SHANK2: variants seen among roughly 807,000 people sequenced by gnomAD.
The protein encoded by SHANK2 is SH3 and multiple ankyrin repeat domains 2, also known as SH3 and multiple ankyrin repeat domains protein 2.
Under a neutral mutation model 133.7 loss-of-function variants are expected in SHANK2, and 43 were observed. The ratio of observed to expected loss-of-function variants is 0.32; its 90% CI spans 0.25 to 0.41. The LOEUF is 0.41. Among genes scored for constraint, SHANK2 ranks in the 10% least tolerant of loss-of-function variants. The probability of loss-of-function intolerance (pLI) is 1.00; values close to 1 mark genes in which losing one functional copy is unlikely to be tolerated. For synonymous variants in SHANK2, 1,017 were observed against 952.8 expected (o/e 1.07, Z -1.24); for missense variants, 1,994 against 2,235.8 (o/e 0.89, Z 2.18).
At chr11:70,537,026 G>A (rs1554974284) in intron 17 of SHANK2, among the ~76,000 whole-genome samples, 1 of 152,192 alleles carries the variant, frequency 6.6e-6, no homozygotes, top group South Asian at 2.1e-4. Flanking sequence ...GCTAGAAGAG[G>A]GTTCCCCAGA....
chr11:70,563,124 C>T (rs2059928134), intron 17 of SHANK2, among the ~76,000 whole-genome samples: 1 of 152,224 alleles, frequency 6.6e-6, no homozygotes, highest in Admixed American at 6.5e-5. Context: ...CCACCCTGGC[C>T]TCCCAAAGTG....
rs61885468 is a variant in SHANK2 at position 70,804,763 on chromosome 11, C to T, written c.1663+2239G>A. 1.5e-4 allele frequency among the ~76,000 whole-genome samples: 23 copies of T among 152,180 alleles called. No homozygotes were observed. Among genetic ancestry groups the T allele is most frequent in the Non-Finnish European group, 3.1e-4 (21 of 68,022 alleles). On this transcript the variant is annotated intron_variant, in intron 13 of 25. Transcript: ENST00000601538. This position sits in a 1 kb window ranked among gnomAD's most constrained non-coding sequence, Gnocchi z 4.1. ...GGAATTAAGGTGTGAGATGTGGATTCGCCTGCCATGTCCCAGGACCCCTGC... is the reference window on the plus strand; with the variant it reads ...GGAATTAAGGTGTGAGATGTGGATTTGCCTGCCATGTCCCAGGACCCCTGC...
At chr11:70,778,321 A>G (rs192519385) in intron 14 of SHANK2, among the ~76,000 whole-genome samples, 1 of 152,326 alleles carries the variant, frequency 6.6e-6, no homozygotes, top group East Asian at 1.9e-4. Flanking sequence ...ATGGCCCCAC[A>G]GAGGATGGGA....
intron 11 of SHANK2, chr11:70,872,492 C>T (rs1287241156): frequency 6.6e-6 from 1 of 152,270 alleles, no homozygotes; most frequent in Non-Finnish European, 1.5e-5. Flanking sequence ...AGGACAAGAC[C>T]CTTCCCTAGA....
intron 3 of SHANK2, among the ~76,000 whole-genome samples, chr11:71,143,601 G>A (rs61887391): frequency 6.6e-6 from 1 of 152,094 alleles, no homozygotes; most frequent in African/African-American, 2.4e-5. Flanking sequence ...CCCAGCAAAG[G>A]GCTGAAGTGC....
intron 15 of SHANK2, among the ~76,000 whole-genome samples, chr11:70,695,788 C>T (rs782142909): frequency 1.3e-5 from 2 of 152,172 alleles, no homozygotes; most frequent in Non-Finnish European, 2.9e-5. Flanking sequence ...GGGTGGCGCA[C>T]GGGAGGAGTG....
chr11:71,073,136 C>CTTTTCTTTTTTTTTTT (rs1951164763), intron 9 of SHANK2, among the ~76,000 whole-genome samples: 8 of 72,334 alleles, frequency 1.1e-4, no homozygotes, highest in Non-Finnish European at 2.1e-4. Context: ...TGTTTTTTTT[C>CTTTTCTTTTTTTTTTT]TTTTTCTTTT....
intron 17 of SHANK2, among the ~76,000 whole-genome samples, chr11:70,565,971 A>G (rs184745825): frequency 8.3e-4 from 127 of 152,282 alleles, no homozygotes; most frequent in Non-Finnish European, 1.4e-3. Context: ...ATTTATGTAG[A>G]AAAAAAGGTT....
chr11:70,575,320 T>C (rs1303726997), intron 17 of SHANK2, among the ~76,000 whole-genome samples: 2 of 152,138 alleles, frequency 1.3e-5, no homozygotes, highest in Non-Finnish European at 2.9e-5. Context: ...GAGACCAGCC[T>C]GGCCAAAATG....
intron 14 of SHANK2, among the ~76,000 whole-genome samples, chr11:70,779,924 C>T (rs1420766819): frequency 2.0e-5 from 3 of 151,838 alleles, no homozygotes; most frequent in Non-Finnish European, 4.4e-5. Context: ...TCTGGGTGGG[C>T]ATGGACATCA....
intron 14 of SHANK2, among the ~76,000 whole-genome samples, chr11:70,754,392 G>C (rs1946819700): frequency 6.6e-6 from 1 of 152,192 alleles, no homozygotes; most frequent in Non-Finnish European, 1.5e-5. Flanking sequence ...ACATATATTA[G>C]TAGAAAGGGA....
intron 1 of SHANK2, among the ~76,000 whole-genome samples, chr11:71,227,829 C>T (rs1184757985): frequency 2.0e-5 from 3 of 151,858 alleles, no homozygotes; most frequent in Non-Finnish European, 4.4e-5. Context: ...AAATCAAATT[C>T]TAAGTTCCTA....
chr11:71,131,501 C>T (rs1341840584), intron 3 of SHANK2, among the ~76,000 whole-genome samples: 16 of 152,152 alleles, frequency 1.1e-4, no homozygotes, highest in African/African-American at 3.1e-4. Flanking sequence ...GATGCTGTGG[C>T]GAAGCGGTGG....
chr11:70,872,576 G>A (rs1555070399), intron 11 of SHANK2, among the ~76,000 whole-genome samples: 1 of 151,844 alleles, frequency 6.6e-6, no homozygotes. Context: ...CAGATGGAGG[G>A]AATAGGGGGC....
At chr11:70,521,976 T>TA (rs2059336447) in intron 17 of SHANK2, among the ~76,000 whole-genome samples, 2 of 152,260 alleles carry the variant, frequency 1.3e-5, no homozygotes, top group Non-Finnish European at 2.9e-5. Flanking sequence ...GTCCTTGTTC[T>TA]AATTTTCCGA....
intron 2 of SHANK2, among the ~76,000 whole-genome samples, chr11:71,208,763 C>A (rs966533038): frequency 6.6e-6 from 1 of 152,238 alleles, no homozygotes; most frequent in Non-Finnish European, 1.5e-5. Flanking sequence ...GGAGGCTTAA[C>A]AAGAGAGTCT....
In SHANK2 at chr11:70,492,478, C is replaced by T. The variant is rs782600458; in HGVS notation, c.2309-13G>A. 6 of 1,613,664 alleles carry T rather than the reference C, an allele frequency of 3.7e-6. No homozygotes were observed. Among genetic ancestry groups the T allele is most frequent in the South Asian group, 1.1e-5 (1 of 91,088 alleles). ...TCCTCGGGTTTATCTGCAATAGAAC[C>T]GTGAGGATTGGAGCAGCAACACCAG... On this transcript the variant is annotated splice_polypyrimidine_tract_variant and intron_variant, in intron 21 of 25. Coordinates refer to ENST00000601538, the MANE Select transcript of SHANK2 (RefSeq NM_012309.5).
chr11:71,133,926 A>ATTTT (rs782273886), intron 3 of SHANK2, among the ~76,000 whole-genome samples: 65 of 144,076 alleles, frequency 4.5e-4, no homozygotes, highest in Non-Finnish European at 7.9e-4. Flanking sequence ...AAAACTATGT[A>ATTTT]TTTTTTTTTT....
chr11:70,761,495 T>C (rs1946997360), intron 14 of SHANK2, among the ~76,000 whole-genome samples: 1 of 152,310 alleles, frequency 6.6e-6, no homozygotes, highest in South Asian at 2.1e-4. Flanking sequence ...CATGTCTGCG[T>C]GGGATGATGA....
Sources: gnomAD v4.1 joint callset for allele counts (sites outside exome capture counted in the v4.1 genomes callset) on GRCh38, gnomAD v4.1.1 for gene constraint, Gnocchi (gnomAD v3.1) non-coding constraint, MANE v1.5 for transcripts, NCBI Gene and HGNC (gene_info 2026-07-23, HGNC 2026-07-21) for gene names.